Variants in FGF14 observed in about 807,000 individuals in gnomAD.
FGF14 encodes fibroblast growth factor homologous factor 4.
In FGF14, 5 loss-of-function variants were observed where a neutral mutation model predicts 25.5. That is an observed-to-expected ratio of 0.20 (90% CI 0.10 to 0.41). FGF14 has a LOEUF of 0.41. Ranked by LOEUF, FGF14 falls within the 10% of genes least tolerant of loss-of-function variation. The pLI is 1.00. For missense variants in FGF14, 222 were observed against 320.1 expected (o/e 0.69, Z 2.34); for synonymous variants, 138 against 118.3 (o/e 1.17, Z -1.08).
At chr13:102,268,636 T>G (rs2053107274) in intron 1 of FGF14, among the ~76,000 whole-genome samples, 3 of 152,082 alleles carry the variant, frequency 2.0e-5, no homozygotes, top group African/African-American at 7.2e-5. Context: ...CTGTTATATT[T>G]TAATTTTATA....
chr13:101,949,205 T>A (rs533590585), intron 1 of FGF14, among the ~76,000 whole-genome samples: 2 of 152,334 alleles, frequency 1.3e-5, no homozygotes, highest in South Asian at 4.2e-4. Context: ...TTGTGGAGAT[T>A]GAAATCTGAC....
At chr13:102,356,262 C>G (rs1392339116) in intron 1 of FGF14, among the ~76,000 whole-genome samples, 1 of 152,236 alleles carries the variant, frequency 6.6e-6, no homozygotes, top group African/African-American at 2.4e-5. Flanking sequence ...TAATACAATT[C>G]TTTGCTCCTT....
chr13:101,991,149 T>C (rs1286749467), intron 1 of FGF14, among the ~76,000 whole-genome samples: 1 of 152,162 alleles, frequency 6.6e-6, no homozygotes, highest in African/African-American at 2.4e-5. Context: ...AAATATGATC[T>C]TATTGAGATA....
At chr13:102,166,898 T>C (rs1166169134) in intron 1 of FGF14, among the ~76,000 whole-genome samples, 2 of 152,294 alleles carry the variant, frequency 1.3e-5, no homozygotes, top group South Asian at 2.1e-4. Context: ...TTCACTGTTT[T>C]CAGTGACTTT....
intron 1 of FGF14, among the ~76,000 whole-genome samples, chr13:102,305,333 T>C (rs2055315327): frequency 1.3e-5 from 2 of 152,094 alleles, no homozygotes; most frequent in South Asian, 4.2e-4. Flanking sequence ...CTTTAAACTC[T>C]GAACTTTAAA....
intron 1 of FGF14, among the ~76,000 whole-genome samples, chr13:102,212,009 G>T (rs1412625149): frequency 6.6e-6 from 1 of 152,110 alleles, no homozygotes; most frequent in Non-Finnish European, 1.5e-5. Flanking sequence ...CAGTTACTCA[G>T]TTGTTTTCCG....
intron 1 of FGF14, among the ~76,000 whole-genome samples, chr13:102,285,105 A>G (rs868318383): frequency 9.9e-5 from 15 of 152,220 alleles, no homozygotes; most frequent in Middle Eastern, 3.2e-3. Context: ...TTGCAGCCAC[A>G]AGAACACATC....
At chr13:102,110,268 GCA>G (rs887747564) in intron 1 of FGF14, among the ~76,000 whole-genome samples, 5 of 152,146 alleles carry the variant, frequency 3.3e-5, no homozygotes, top group Admixed American at 3.3e-4. Flanking sequence ...CCAAAGCTGT[GCA>G]CAGTGTTTGC....
rs577546341 is a variant in FGF14 at position 102,337,235 on chromosome 13, G to T, written c.208+64236C>A. ...GAATATGCCTGATTCATGGGAGGAAGTCAAGATGTCCACATTAACTGCAAT... is the reference window on the plus strand; with the variant it reads ...GAATATGCCTGATTCATGGGAGGAATTCAAGATGTCCACATTAACTGCAAT... On this transcript the variant is annotated intron_variant, in intron 1 of 4. Coordinates refer to the FGF14 transcript ENST00000376131. Among the ~76,000 whole-genome samples, 219 of 152,330 alleles carry T rather than the reference G, an allele frequency of 1.4e-3. 1 individual carries two copies. Among genetic ancestry groups the T allele is most frequent in the African/African-American group, 4.9e-3 (203 of 41,586 alleles).
rs2035076596 is a variant in FGF14, at chr13:101,722,752, C to T, written c.*79G>A. 1.8e-5 allele frequency: 29 copies of T among 1,585,236 alleles called. No individual in the cohort carries two copies. The highest frequency in any genetic ancestry group is 1.5e-4 in the Admixed American group (9 of 59,564). The stretch of plus-strand genomic sequence containing the variant: ...CTTACTTCCTGCTGCTCTTCAGCCA[C>T]GGAGCAGGAATGTCTGGTGAGGATA... On this transcript the variant is annotated 3_prime_UTR_variant, in exon 5 of 5. Transcript: ENST00000376143.
chr13:102,109,629 G>A (rs1475256806), intron 1 of FGF14, among the ~76,000 whole-genome samples: 1 of 151,950 alleles, frequency 6.6e-6, no homozygotes, highest in Non-Finnish European at 1.5e-5. Flanking sequence ...TTGTTTGTTT[G>A]TTTGTTTTTG....
chr13:102,154,471 G>T (rs1286837386), intron 1 of FGF14, among the ~76,000 whole-genome samples: 1 of 152,108 alleles, frequency 6.6e-6, no homozygotes, highest in Admixed American at 6.6e-5. Context: ...AATGCTGAGA[G>T]ATTTTGTCAC....
At chr13:102,044,535 CG>C (rs1387230324) in intron 1 of FGF14, among the ~76,000 whole-genome samples, 3 of 147,194 alleles carry the variant, frequency 2.0e-5, no homozygotes, top group African/African-American at 7.3e-5. Flanking sequence ...TCTCCTCTTT[CG>C]TAAAAAAAAA....
At chr13:102,311,673 G>A (rs1006551236) in intron 1 of FGF14, among the ~76,000 whole-genome samples, 1 of 152,140 alleles carries the variant, frequency 6.6e-6, no homozygotes, top group South Asian at 2.1e-4. Context: ...AAAAGACAGC[G>A]TGTAACACAG....
At chr13:102,306,388 T>A (rs2055379798) in intron 1 of FGF14, among the ~76,000 whole-genome samples, 1 of 150,958 alleles carries the variant, frequency 6.6e-6, no homozygotes, top group Non-Finnish European at 1.5e-5. Flanking sequence ...AGGGAAGACA[T>A]ATCATGCTTG....
At position 101,916,654 on chromosome 13, in the gene FGF14, C is replaced by A; in HGVS notation, c.-9G>T. Reference sequence around the variant, plus strand: ...GCGATGGCCGCGGCCATGGTGGCCCCGGGAACGGGTCCGGGGAGGGAGGGC... The same window carrying A: ...GCGATGGCCGCGGCCATGGTGGCCCAGGGAACGGGTCCGGGGAGGGAGGGC... On this transcript the variant is annotated 5_prime_UTR_variant, in exon 1 of 5. Coordinates refer to ENST00000376143, the MANE Select transcript of FGF14 (RefSeq NM_004115.4). 1 of 1,540,170 alleles carries A rather than the reference C, an allele frequency of 6.5e-7. No homozygotes were observed. Among genetic ancestry groups the A allele is most frequent in the Non-Finnish European group, 8.8e-7 (1 of 1,140,528 alleles).
Position 101,721,282 on chromosome 13 carries a change from A to ATCTT in FGF14, c.*1545_*1548dup, listed in dbSNP as rs570879019. ...TCCAATATTGAACATTTTGCATGGA[A>ATCTT]TCTTCATTGTGTAGTCAACTGTTCC... is the stretch of plus-strand genomic sequence containing the variant. On this transcript the variant is annotated 3_prime_UTR_variant, in exon 5 of 5. Coordinates refer to ENST00000376143, the MANE Select transcript of FGF14 (RefSeq NM_004115.4). 116 of 152,288 alleles carry ATCTT rather than the reference A, an allele frequency of 7.6e-4. No homozygotes were observed. Among genetic ancestry groups the ATCTT allele is most frequent in the African/African-American group, 2.6e-3 (107 of 41,566 alleles). 9.4% of individuals were successfully genotyped at this position (152,288 alleles called of 1,614,324 possible).
intron 1 of FGF14, among the ~76,000 whole-genome samples, chr13:102,118,755 C>T (rs993918022): frequency 1.7e-4 from 26 of 151,622 alleles, no homozygotes; most frequent in Non-Finnish European, 3.2e-4. Flanking sequence ...TTTTATGTCA[C>T]TTAAAAAATA....
intron 3 of FGF14, chr13:101,868,414 T>C (rs2044853783): frequency 4.2e-6 from 1 of 238,988 alleles, no homozygotes; most frequent in Non-Finnish European, 8.3e-6. Flanking sequence ...TTAAAAACAT[T>C]ATAAGAAACT....
Sources: allele counts gnomAD v4.1 joint callset (sites outside exome capture counted in the v4.1 genomes callset), GRCh38; gene constraint gnomAD v4.1.1; transcripts MANE v1.5; gene names NCBI Gene and HGNC (gene_info 2026-07-23, HGNC 2026-07-21).